Variants in ILRUN observed in about 807,000 individuals in gnomAD.
ILRUN encodes protein ILRUN.
A neutral mutation model predicts 33.8 loss-of-function variants in ILRUN; 3 were observed. The observed-to-expected ratio is 0.09, with a 90% CI of 0.04 to 0.23. The LOEUF is 0.23. Among genes scored for constraint, ILRUN ranks in the 10% least tolerant of loss-of-function variants. The pLI is 1.00. For synonymous variants in ILRUN, 124 were observed against 138.9 expected (o/e 0.89, Z 0.75); for missense variants, 210 against 375.1 (o/e 0.56, Z 3.64).
chr6:34,635,841 T>C (rs1397894060), intron 3 of ILRUN, among the ~76,000 whole-genome samples: 1 of 152,054 alleles, frequency 6.6e-6, no homozygotes. Flanking sequence ...AGGCTGGTCT[T>C]GAACTCCTGA....
intron 3 of ILRUN, among the ~76,000 whole-genome samples, chr6:34,633,871 T>TGGAGAGAGGGACGGAG (rs1198916064): frequency 1.2e-4 from 7 of 58,602 alleles, no homozygotes; most frequent in South Asian, 1.5e-3. Flanking sequence ...GAGGGAGACA[T>TGGAGAGAGGGACGGAG]GGAGGGAGAG....
chr6:34,631,579 T>C (rs1022927942), intron 3 of ILRUN, among the ~76,000 whole-genome samples: 5 of 152,284 alleles, frequency 3.3e-5, no homozygotes, highest in South Asian at 2.1e-4. Context: ...TCTACGCACC[T>C]CAGCCTCCCA....
At chr6:34,611,668 C>G (rs374056884) in intron 3 of ILRUN, among the ~76,000 whole-genome samples, 1 of 152,202 alleles carries the variant, frequency 6.6e-6, no homozygotes, top group Non-Finnish European at 1.5e-5. Context: ...GAGATAAGAA[C>G]TAGCTGCTAG....
intron 3 of ILRUN, among the ~76,000 whole-genome samples, chr6:34,623,040 T>C (rs559029449): frequency 6.6e-6 from 1 of 152,120 alleles, no homozygotes; most frequent in East Asian, 1.9e-4. Flanking sequence ...GTACCTAAGG[T>C]AGTCAAAATC....
rs1315832139 is a variant in ILRUN at position 34,592,065 on chromosome 6, G to A, written c.862-1465C>T. Among the ~76,000 whole-genome samples the A allele has an allele frequency of 1.3e-5, 2 of 152,134 alleles. No homozygotes were observed. Among genetic ancestry groups the A allele is most frequent in the Non-Finnish European group, 2.9e-5 (2 of 68,034 alleles). On this transcript the variant is annotated intron_variant, in intron 4 of 4. Coordinates refer to ENST00000374023, the MANE Select transcript of ILRUN (RefSeq NM_024294.4). This position sits in a 1 kb window ranked among gnomAD's most constrained non-coding sequence, Gnocchi z 4.0. ...ACGAACACGCTGGACCATGACGTGTGCTTCCTCCCCAATCCCTGCTTTTTG... is the reference window on the plus strand; with the variant it reads ...ACGAACACGCTGGACCATGACGTGTACTTCCTCCCCAATCCCTGCTTTTTG...
rs558606487 is a variant in ILRUN, at chr6:34,603,442, G to A, written c.861+3113C>T. Among the ~76,000 whole-genome samples the A allele has an allele frequency of 2.4e-3, 359 of 152,280 alleles. 2 individuals are homozygous for A. The highest frequency in any genetic ancestry group is 4.1e-3 in the Non-Finnish European group (279 of 68,018). ...GGGGTCAGGAGATCGAGACCATCCC[G>A]GCTAAAACGGTGAAACCCCGTCTCT... On this transcript the variant is annotated intron_variant, in intron 4 of 4. Coordinates refer to ENST00000374023, the MANE Select transcript of ILRUN (RefSeq NM_024294.4).
intron 1 of ILRUN, among the ~76,000 whole-genome samples, chr6:34,663,896 T>G (rs1430956255): frequency 1.3e-5 from 2 of 152,230 alleles, no homozygotes; most frequent in East Asian, 3.9e-4. Context: ...AATAGGGAGA[T>G]TATCCAGAAT....
At position 34,610,039 on chromosome 6, in the gene ILRUN, T is replaced by C. The variant is rs532475618; in HGVS notation, c.512-3135A>G. Among the ~76,000 whole-genome samples the C allele has an allele frequency of 1.5e-3, 234 of 151,762 alleles. 1 individual carries two copies. Among genetic ancestry groups the C allele is most frequent in the African/African-American group, 5.2e-3 (217 of 41,340 alleles). On this transcript the variant is annotated intron_variant, in intron 3 of 4. Transcript: ENST00000374023. ...AGCCAGGCATGGTGGCGGGCTCCTA[T>C]AGTCCCAGCCACTCGAGAGGCTGAG...
At position 34,665,968 on chromosome 6, in the gene ILRUN, T is replaced by A. The variant is rs2744950; in HGVS notation, c.159-11189A>T. Among the ~76,000 whole-genome samples, 455 of 143,970 alleles carry A rather than the reference T, an allele frequency of 3.2e-3. 4 individuals carry two copies. Among genetic ancestry groups the A allele is most frequent in the African/African-American group, 0.01 (400 of 39,330 alleles). 94.4% of individuals were successfully genotyped at this position (143,970 alleles called of 152,430 possible). On this transcript the variant is annotated intron_variant, in intron 1 of 4. Coordinates refer to ENST00000374023, the MANE Select transcript of ILRUN (RefSeq NM_024294.4). ...TATGCTTAAAAAAAAAAAAAAAAAA[T>A]GCTGGCCATACCATCAACATACTTC...
chr6:34,664,374 T>G (rs1490387375), intron 1 of ILRUN, among the ~76,000 whole-genome samples: 1 of 152,158 alleles, frequency 6.6e-6, no homozygotes, highest in Non-Finnish European at 1.5e-5. Context: ...TCTTGTTATG[T>G]TGCCCAGGCT....
chr6:34,595,631 T>G (rs1297520622), intron 4 of ILRUN: 3 of 401,646 alleles, frequency 7.5e-6, no homozygotes, highest in Non-Finnish European at 1.0e-5. Flanking sequence ...AAAGGATGTC[T>G]CATTGAGAGA....
At chr6:34,611,330 G>A (rs949706244) in intron 3 of ILRUN, among the ~76,000 whole-genome samples, 3 of 152,014 alleles carry the variant, frequency 2.0e-5, no homozygotes, top group Non-Finnish European at 4.4e-5. Context: ...GCTCAGCTCT[G>A]TACATAGATT....
At position 34,646,077 on chromosome 6, in the gene ILRUN, T is replaced by C. The variant is rs966939270; in HGVS notation, c.511+524A>G. Among the ~76,000 whole-genome samples, 7 of 152,274 alleles carry C rather than the reference T, an allele frequency of 4.6e-5. No individual in the cohort carries two copies. The highest frequency in any genetic ancestry group is 8.8e-5 in the Non-Finnish European group (6 of 68,016). On this transcript the variant is annotated intron_variant, in intron 3 of 4. Coordinates refer to ENST00000374023, the MANE Select transcript of ILRUN (RefSeq NM_024294.4). The surrounding 1 kb of genome is among the most constrained non-coding windows in gnomAD (Gnocchi z 4.9). ...CAGGGTAGTCCCTGATTAACTTTCA[T>C]TGGAGTGGGGAGTGGATAAAGGATA... is the stretch of plus-strand genomic sequence containing the variant.
intron 1 of ILRUN, among the ~76,000 whole-genome samples, chr6:34,662,056 C>T (rs1425466201): frequency 2.3e-5 from 3 of 132,914 alleles, no homozygotes; most frequent in African/African-American, 2.7e-5. Context: ...ACCCGGGAGG[C>T]GGAGCTTGCA....
At chr6:34,622,362 C>T (rs1762028846) in intron 3 of ILRUN, among the ~76,000 whole-genome samples, 1 of 152,122 alleles carries the variant, frequency 6.6e-6, no homozygotes, top group South Asian at 2.1e-4. Context: ...AGAACTCCTA[C>T]AACTCAACAG....
intron 4 of ILRUN, among the ~76,000 whole-genome samples, chr6:34,602,886 G>A (rs969447895): frequency 2.6e-5 from 4 of 152,198 alleles, no homozygotes; most frequent in Admixed American, 2.6e-4. Flanking sequence ...GGGAGCTTAC[G>A]ATTCAAGAAC....
rs533704905 is a variant in ILRUN at position 34,592,434 on chromosome 6, C to G, written c.862-1834G>C. On this transcript the variant is annotated intron_variant, in intron 4 of 4. Transcript: ENST00000374023. The surrounding 1 kb of genome is among the most constrained non-coding windows in gnomAD (Gnocchi z 4.0). ...GCAGACGAGCTATGAACCATCTCAG[C>G]AGCCACAGCATCCACCCACTCAAGC... is the stretch of plus-strand genomic sequence containing the variant. Among the ~76,000 whole-genome samples, 12 of 152,368 alleles carry G rather than the reference C, an allele frequency of 7.9e-5. No homozygotes were observed. The East Asian group carries it at 2.1e-3, about 27-fold the overall frequency.
At chr6:34,590,645 C>A (rs1188015204) in intron 4 of ILRUN, 45 bp from the exon 5 acceptor site, 1 of 1,371,914 alleles carries the variant, frequency 7.3e-7, no homozygotes, top group Non-Finnish European at 1.0e-6. Context: ...CATAGCAGTG[C>A]AACTTGACAA....
At chr6:34,647,316 T>C (rs1205142750) in intron 2 of ILRUN, among the ~76,000 whole-genome samples, 1 of 152,244 alleles carries the variant, frequency 6.6e-6, no homozygotes, top group Non-Finnish European at 1.5e-5. Context: ...GTATGACTTT[T>C]CTTCTGGGGT....
Sources: allele counts gnomAD v4.1 joint callset (sites outside exome capture counted in the v4.1 genomes callset), GRCh38; gene constraint gnomAD v4.1.1; non-coding constraint Gnocchi (gnomAD v3.1); transcripts MANE v1.5; gene names NCBI Gene and HGNC (gene_info 2026-07-23, HGNC 2026-07-21).